Variants in PIANP observed in about 807,000 individuals in gnomAD.
PIANP encodes PILR alpha-associated neural protein.
PIANP carries 14 observed loss-of-function variants against 28.9 expected under a neutral mutation model. The ratio of observed to expected loss-of-function variants is 0.49; its 90% CI spans 0.32 to 0.76. The LOEUF is 0.76. Ranked by LOEUF, PIANP falls within the 30% of genes least tolerant of loss-of-function variation. PIANP has a pLI of 0.03. For synonymous variants in PIANP, 149 were observed against 156.6 expected, an observed-to-expected ratio of 0.95 and a Z score of 0.36; for missense variants, 322 against 371.8, an observed-to-expected ratio of 0.87 and a Z score of 1.10.
rs1239607958 is a variant in PIANP, at chr12:6,700,745, G to A, written c.-175C>T. The A allele has an allele frequency of 6.6e-6, 1 of 152,004 alleles. No homozygotes were observed. The highest frequency in any genetic ancestry group is 1.5e-5 in the Non-Finnish European group (1 of 67,884). The allele number at this position is 152,004 out of a possible 1,614,324, so 9.4% of individuals were successfully genotyped here. A position where few individuals can be genotyped will look rare whatever the true frequency, so the allele number is the denominator to read the frequency against. ...CCGCGGCAGGGCGCTGGAGCGGGTG[G>A]GGGGCGGGCGCCTGGGGCGCGGGGC... is the stretch of plus-strand genomic sequence containing the variant. On this transcript the variant is annotated 5_prime_UTR_variant, in exon 1 of 5. Transcript: ENST00000534837. This position sits in a 1 kb window ranked among gnomAD's most constrained non-coding sequence, Gnocchi z 5.5.
chr12:6,697,604 C>A lies in PIANP; in HGVS notation c.206G>T (p.Arg69Leu). Residue 69 changes from arginine (R) to leucine (L), a missense_variant, in exon 3 of 5, where the codon CGA becomes CTA. Physicochemically the swap from Arg to Leu is moderately radical, Grantham distance 102. Coordinates refer to ENST00000534837, the MANE Select transcript of PIANP (RefSeq NM_001244014.2). This position sits in a 1 kb window ranked among gnomAD's most constrained non-coding sequence, Gnocchi z 6.9. Reference protein sequence around the residue: ...CVWERAPPPSRSPRVPRSRRQ... With the variant: ...CVWERAPPPSLSPRVPRSRRQ... ...ACGTGATCTTGGGACCCGAGGAGAT[C>A]GGCTTGGTGGAGGTGCTCGCTCCCA... 1 of 1,574,144 alleles carries A rather than the reference C, an allele frequency of 6.4e-7. No individual in the cohort carries two copies. Among genetic ancestry groups the A allele is most frequent in the East Asian group, 2.3e-5 (1 of 42,708 alleles).
intron 1 of PIANP, chr12:6,698,438 T>G (rs1192403023): frequency 6.1e-6 from 2 of 329,742 alleles, no homozygotes; most frequent in Non-Finnish European, 1.2e-5. Flanking sequence ...AAGAACCTTG[T>G]GATTCCTTGA....
At position 6,695,594 on chromosome 12, in the gene PIANP, C is replaced by G. The variant is rs1171484568; in HGVS notation, c.663G>C (p.Gln221His). The change falls in exon 5 of 5, where the codon CAG becomes CAC. Residue 221 changes from glutamine (Q) to histidine (H), a missense_variant. Physicochemically the swap from Gln to His is conservative, Grantham distance 24 (BLOSUM62 0). Coordinates refer to ENST00000534837, the MANE Select transcript of PIANP (RefSeq NM_001244014.2). The surrounding 1 kb of genome is among the most constrained non-coding windows in gnomAD (Gnocchi z 4.2). ...CTGTCAGTGGCTGCTGGCTCTCCTC[C>G]TGCCTCAGGGCACCTTGCTGCCCTG... The part of the protein sequence containing the change: ...RPSGQQGALR[Q>H]EESQQPLTDL... 1 of 1,589,860 alleles carries G rather than the reference C, an allele frequency of 6.3e-7. No homozygotes were observed. The highest frequency in any genetic ancestry group is 8.6e-7 in the Non-Finnish European group (1 of 1,167,234).
chr12:6,693,000 G>A (rs994786131), downstream of PIANP, among the ~76,000 whole-genome samples: 2 of 152,154 alleles, frequency 1.3e-5, no homozygotes, highest in Non-Finnish European at 2.9e-5. Flanking sequence ...CGCATTTCCA[G>A]GGAGCAAGTG....
chr12:6,692,317 C>T (rs2137698449), downstream of PIANP, among the ~76,000 whole-genome samples: 1 of 152,354 alleles, frequency 6.6e-6, no homozygotes, highest in East Asian at 1.9e-4. Flanking sequence ...CCACGGGTCA[C>T]ACTGTCCCTT....
In PIANP at chr12:6,696,559, C is replaced by A. The variant is rs116893637; in HGVS notation, c.524-35G>T. 1 of 1,499,662 alleles carries A rather than the reference C, an allele frequency of 6.7e-7. No homozygotes were observed. The highest frequency in any genetic ancestry group is 2.5e-5 in the East Asian group (1 of 39,652). The allele number at this position is 1,499,662 out of a possible 1,614,324, so 92.9% of individuals were successfully genotyped here. A position where few individuals can be genotyped will look rare whatever the true frequency, so the allele number is the denominator to read the frequency against. On this transcript the variant is annotated intron_variant, in intron 3 of 4. Coordinates refer to ENST00000534837, the MANE Select transcript of PIANP (RefSeq NM_001244014.2). The surrounding 1 kb of genome is among the most constrained non-coding windows in gnomAD (Gnocchi z 4.0). ...GTGGGAAGAAAGTTTTAGGGAGCCCCGAGGTGGTAGGAGCCAAGAGGGGCT... is the reference window on the plus strand; with the variant it reads ...GTGGGAAGAAAGTTTTAGGGAGCCCAGAGGTGGTAGGAGCCAAGAGGGGCT...
rs999339955 is a variant in PIANP at position 6,697,033 on chromosome 12, C to T, written c.523+254G>A. Among the ~76,000 whole-genome samples, 1 of 152,222 alleles carries T rather than the reference C, an allele frequency of 6.6e-6. No homozygotes were observed. The highest frequency in any genetic ancestry group is 2.4e-5 in the African/African-American group (1 of 41,458). ...CAAGCAGGAGGAGACTCTCACTTCT[C>T]TTTTTTTGTAAATCATGCTGCACAT... On this transcript the variant is annotated intron_variant, in intron 3 of 4. Coordinates refer to ENST00000534837, the MANE Select transcript of PIANP (RefSeq NM_001244014.2). This position sits in a 1 kb window ranked among gnomAD's most constrained non-coding sequence, Gnocchi z 6.9.
At position 6,697,504 on chromosome 12, in the gene PIANP, G is replaced by A; in HGVS notation, c.306C>T (p.Tyr102=). ...TGGGACCCCACACGATAGCCCAGGGGTATTGGGATGAGGGCGGCCCCTCCT... is the reference window on the plus strand; with the variant it reads ...TGGGACCCCACACGATAGCCCAGGGATATTGGGATGAGGGCGGCCCCTCCT... The part of the protein sequence containing the change: ...GFEEGPPSSQ[Y]PWAIVWGPTV... Residue 102 remains tyrosine (Y), a synonymous_variant, in exon 3 of 5, where the codon TAC becomes TAT. Transcript: ENST00000534837. This position sits in a 1 kb window ranked among gnomAD's most constrained non-coding sequence, Gnocchi z 6.9. The A allele has an allele frequency of 6.2e-7, 1 of 1,613,540 alleles. No individual in the cohort carries two copies.
Position 6,695,288 on chromosome 12 carries a change from C to T in PIANP, c.*138G>A. The T allele has an allele frequency of 7.1e-7, 1 of 1,408,624 alleles. No homozygotes were observed. The highest frequency in any genetic ancestry group is 1.8e-5 in the South Asian group (1 of 56,448). The allele number at this position is 1,408,624 out of a possible 1,614,324, so 87.3% of individuals were successfully genotyped here. On this transcript the variant is annotated 3_prime_UTR_variant, in exon 5 of 5. Transcript: ENST00000534837. The surrounding 1 kb of genome is among the most constrained non-coding windows in gnomAD (Gnocchi z 4.2). ...GGGTGCCTCCCAGAGAGGAGCTGGT[C>T]CAGCCCCCTTGGGAGGGCCAGGGGC...
Position 6,697,197 on chromosome 12 carries a change from G to A in PIANP, c.523+90C>T. On this transcript the variant is annotated intron_variant, in intron 3 of 4. Coordinates refer to ENST00000534837, the MANE Select transcript of PIANP (RefSeq NM_001244014.2). The surrounding 1 kb of genome is among the most constrained non-coding windows in gnomAD (Gnocchi z 6.9). ...ATAGTGCCTGACACATTTGTTGAAG[G>A]AGCTAACAGACAAGGCCTCTATTTC... 2.6e-6 allele frequency: 4 copies of A among 1,529,006 alleles called. No homozygotes were observed. Among genetic ancestry groups the A allele is most frequent in the Non-Finnish European group, 3.5e-6 (4 of 1,137,368 alleles). The allele number at this position is 1,529,006 out of a possible 1,614,324, so 94.7% of individuals were successfully genotyped here.
In PIANP at chr12:6,697,384, G is replaced by A. The variant is rs1959899897; in HGVS notation, c.426C>T (p.His142=). ...CACCTCGCATGGAGTCTGAGTTGGG[G>A]TGTGGGGTTGCGAGCCCATGAGGGG... The part of the protein sequence containing the change: ...FAAPHGLATP[H]PNSDSMRGDG... Residue 142 remains histidine, a synonymous_variant, in exon 3 of 5, where the codon CAC becomes CAT. Coordinates refer to ENST00000534837, the MANE Select transcript of PIANP (RefSeq NM_001244014.2). The surrounding 1 kb of genome is among the most constrained non-coding windows in gnomAD (Gnocchi z 6.9). 1.2e-6 allele frequency: 2 copies of A among 1,614,066 alleles called. No individual in the cohort carries two copies. The highest frequency in any genetic ancestry group is 1.1e-5 in the South Asian group (1 of 91,088).
chr12:6,698,322 CCT>C (rs1346837260), intron 1 of PIANP: 1 of 585,542 alleles, frequency 1.7e-6, no homozygotes, highest in Non-Finnish European at 3.1e-6. Context: ...TTCTCAGGTC[CCT>C]GTTACCTCTC....
chr12:6,694,987 G>A lies in PIANP; in HGVS notation c.*439C>T, dbSNP rs1203037785. The A allele has an allele frequency of 6.5e-7, 1 of 1,534,960 alleles. No individual in the cohort carries two copies. Among genetic ancestry groups the A allele is most frequent in the Non-Finnish European group, 8.8e-7 (1 of 1,138,468 alleles). On this transcript the variant is annotated 3_prime_UTR_variant, in exon 5 of 5. Transcript: ENST00000534837. The surrounding 1 kb of genome is among the most constrained non-coding windows in gnomAD (Gnocchi z 6.1). ...CCCCACCCTCAGTGGGATGGGGGCTGTGCCGGCCCCTTGGCCTCCTGCTTG... is the reference window on the plus strand; with the variant it reads ...CCCCACCCTCAGTGGGATGGGGGCTATGCCGGCCCCTTGGCCTCCTGCTTG...
chr12:6,693,440 CCG>C (rs1341422569), downstream of PIANP, among the ~76,000 whole-genome samples: 8 of 152,202 alleles, frequency 5.3e-5, no homozygotes, highest in African/African-American at 1.7e-4. Flanking sequence ...CCTTCTCCCT[CCG>C]TCTGTCTTAT....
In PIANP at chr12:6,697,243, C is replaced by T. The variant is rs1269876226; in HGVS notation, c.523+44G>A. 6 of 1,600,810 alleles carry T rather than the reference C, an allele frequency of 3.7e-6. No individual in the cohort carries two copies. Among genetic ancestry groups the T allele is most frequent in the Admixed American group, 3.6e-5 (2 of 55,350 alleles). ...ATTTCTGCCCCTTGGTGTCTTCACC[C>T]AGCCTCCCCATCCGTCATATCCCTC... On this transcript the variant is annotated intron_variant, in intron 3 of 4. Coordinates refer to ENST00000534837, the MANE Select transcript of PIANP (RefSeq NM_001244014.2). The surrounding 1 kb of genome is among the most constrained non-coding windows in gnomAD (Gnocchi z 6.9).
At chr12:6,693,262 C>T (rs4764514), downstream of PIANP, among the ~76,000 whole-genome samples, 15,915 of 151,738 alleles carry the variant, frequency 0.1, 2,625 homozygotes, top group African/African-American at 0.35. Context: ...GGAAAGCTAA[C>T]GAGTTAACCA....
Position 6,696,662 on chromosome 12 carries a change from T to G in PIANP, c.524-138A>C. 1.8e-6 allele frequency: 1 copy of G among 543,754 alleles called. No homozygotes were observed. The highest frequency in any genetic ancestry group is 3.1e-6 in the Non-Finnish European group (1 of 321,182). The allele number at this position is 543,754 out of a possible 1,614,324, so 33.7% of individuals were successfully genotyped here. A position where few individuals can be genotyped will look rare whatever the true frequency, so the allele number is the denominator to read the frequency against. On this transcript the variant is annotated intron_variant, in intron 3 of 4. Coordinates refer to ENST00000534837, the MANE Select transcript of PIANP (RefSeq NM_001244014.2). This position sits in a 1 kb window ranked among gnomAD's most constrained non-coding sequence, Gnocchi z 4.0. ...ACACTGCCGGCTCTGTCTGCCCCTC[T>G]GGAGCCTCACTCTTTATTATCACCA...
In PIANP at chr12:6,697,477, G is replaced by C. The variant is rs557608749; in HGVS notation, c.333C>G (p.Thr111=). 6.2e-7 allele frequency: 1 copy of C among 1,613,976 alleles called. No homozygotes were observed. Among genetic ancestry groups the C allele is most frequent in the Non-Finnish European group, 8.5e-7 (1 of 1,179,876 alleles). The change falls in exon 3 of 5, where the codon ACC becomes ACG. Residue 111 remains threonine, a synonymous_variant. Transcript: ENST00000534837. The surrounding 1 kb of genome is among the most constrained non-coding windows in gnomAD (Gnocchi z 6.9). The part of the protein sequence containing the change: ...QYPWAIVWGP[T]VSREDGGDPN... ...GGTCCCCTCCATCCTCTCGAGACAC[G>C]GTGGGACCCCACACGATAGCCCAGG...
rs1959890526 is a variant in PIANP at position 6,697,211 on chromosome 12, G to A, written c.523+76C>T. The A allele has an allele frequency of 1.3e-6, 2 of 1,563,924 alleles. No individual in the cohort carries two copies. Among genetic ancestry groups the A allele is most frequent in the Non-Finnish European group, 1.7e-6 (2 of 1,158,702 alleles). ...ATTTGTTGAAGGAGCTAACAGACAA[G>A]GCCTCTATTTCTGCCCCTTGGTGTC... On this transcript the variant is annotated intron_variant, in intron 3 of 4. Coordinates refer to ENST00000534837, the MANE Select transcript of PIANP (RefSeq NM_001244014.2). The surrounding 1 kb of genome is among the most constrained non-coding windows in gnomAD (Gnocchi z 6.9).
Sources: gnomAD v4.1 joint callset for allele counts (sites outside exome capture counted in the v4.1 genomes callset) on GRCh38, gnomAD v4.1.1 for gene constraint, Gnocchi (gnomAD v3.1) non-coding constraint, MANE v1.5 for transcripts, NCBI Gene and HGNC (gene_info 2026-07-23, HGNC 2026-07-21) for gene names.